The following ATG2A variants were observed in gnomAD, a reference collection of about 807,000 sequenced individuals.
The protein encoded by ATG2A is autophagy related 2A.
In ATG2A, 103 loss-of-function variants were observed where a neutral mutation model predicts 214.2. That is an observed-to-expected ratio of 0.48 (90% CI 0.41 to 0.57). ATG2A has a LOEUF of 0.57. Ranked by LOEUF, ATG2A falls within the 20% of genes least tolerant of loss-of-function variation. The probability of loss-of-function intolerance (pLI) is 0.00; values close to 1 mark genes in which losing one functional copy is unlikely to be tolerated. For synonymous variants in ATG2A, 1,160 were observed against 1,142.1 expected (o/e 1.02, Z -0.32); for missense variants, 2,312 against 2,613.2 (o/e 0.88, Z 2.51).
At chr11:64,896,398 G>A (rs1944151361) in intron 39 of ATG2A, 64 bp downstream of exon 39, 6 of 1,520,634 alleles carry the variant, frequency 3.9e-6, no homozygotes, top group Non-Finnish European at 4.4e-6. Flanking sequence ...GAACCAGGGA[G>A]CTGTGGTGCA....
chr11:64,916,876 G>A, intron 1 of ATG2A, 89 bp downstream of exon 1: 1 of 1,546,638 alleles, frequency 6.5e-7, no homozygotes, highest in Non-Finnish European at 8.7e-7. Flanking sequence ...CCCGGTGCCT[G>A]ATCCCCCAGC....
chr11:64,916,852 C>G (rs1945007680), intron 1 of ATG2A, 113 bp downstream of exon 1: 2 of 1,448,950 alleles, frequency 1.4e-6, no homozygotes, highest in Non-Finnish European at 1.9e-6. Flanking sequence ...CAAGATTCCC[C>G]TGGCCTCTCT....
chr11:64,909,205 A>T, intron 15 of ATG2A, 55 bp from the exon 16 acceptor site: 1 of 1,609,270 alleles, frequency 6.2e-7, no homozygotes, highest in Non-Finnish European at 8.5e-7. Context: ...CCCAGTTCCA[A>T]ACTGGCCCCC....
In ATG2A at chr11:64,914,251, G is replaced by A. The variant is rs1565076787; in HGVS notation, c.335-18C>T. On this transcript the variant is annotated intron_variant, in intron 2 of 40. Coordinates refer to ENST00000377264, the MANE Select transcript of ATG2A (RefSeq NM_015104.3). ...CCCTGGCGCTGTAGGGAGAAACAGG[G>A]TCTCAAGGCAGGCAGGCCCAGTCAG... The A allele has an allele frequency of 1.9e-6, 3 of 1,551,558 alleles. No individual in the cohort carries two copies. Among genetic ancestry groups the A allele is most frequent in the South Asian group, 2.4e-5 (2 of 84,300 alleles).
Position 64,910,107 on chromosome 11 carries a change from GC to G in ATG2A, c.1795del (p.Ala599ProfsTer23). On this transcript the variant is annotated frameshift_variant, in exon 13 of 41. Coordinates refer to ENST00000377264, the MANE Select transcript of ATG2A (RefSeq NM_015104.3). LOFTEE classifies it high-confidence loss of function. ...ANFQADVELGALDRLAALLRL... is the reference protein window; with the variant it reads ...ANFQADVELGXLDRLAALLRL... ...CAGTAGGGCGGCCAGCCGGTCCAGG[GC>G]CCCCAGCTCCACGTCCGCCTGGAAG... is the stretch of plus-strand genomic sequence containing the variant. 6.2e-7 allele frequency: 1 copy of G among 1,611,348 alleles called. No homozygotes were observed. The highest frequency in any genetic ancestry group is 8.5e-7 in the Non-Finnish European group (1 of 1,179,444).
rs1944441446 is a variant in ATG2A at position 64,903,709 on chromosome 11, A to G, written c.3465-49T>C. On this transcript the variant is annotated intron_variant, in intron 24 of 40. Transcript: ENST00000377264. The surrounding 1 kb of genome is among the most constrained non-coding windows in gnomAD (Gnocchi z 4.2). ...GGGCCCGGGCACCGCTGCAGGGGGCAGCTCCACGGGAGCCGAGCAGAGGGG... is the reference window on the plus strand; with the variant it reads ...GGGCCCGGGCACCGCTGCAGGGGGCGGCTCCACGGGAGCCGAGCAGAGGGG... 2 of 1,524,260 alleles carry G rather than the reference A, an allele frequency of 1.3e-6. No individual in the cohort carries two copies. The highest frequency in any genetic ancestry group is 1.4e-5 in the African/African-American group (1 of 72,500). The allele number at this position is 1,524,260 out of a possible 1,614,324, so 94.4% of individuals were successfully genotyped here.
At position 64,895,007 on chromosome 11, in the gene ATG2A, G is replaced by C; in HGVS notation, c.5783C>G (p.Ala1928Gly). The C allele has an allele frequency of 6.2e-7, 1 of 1,612,900 alleles. No homozygotes were observed. The highest frequency in any genetic ancestry group is 1.1e-5 in the South Asian group (1 of 91,020). Residue 1928 changes from alanine (A) to glycine (G), a missense_variant, in exon 41 of 41, where the codon GCC (alanine) becomes GGC (glycine). Ala to Gly is a moderately conservative substitution (Grantham distance 60). Transcript: ENST00000377264. The surrounding 1 kb of genome is among the most constrained non-coding windows in gnomAD (Gnocchi z 5.0). ...QIVPDAHKDH[A>G]LKWRSDSAQD ...GGCACTGTCCGAGCGCCACTTGAGG[G>C]CGTGGTCCTTGTGGGCGTCGGGGAC...
At position 64,913,156 on chromosome 11, in the gene ATG2A, A is replaced by T. The variant is rs1183645625; in HGVS notation, c.727-20T>A. ...CTCTTCCTGGGAGACGGGAGGATAC[A>T]AGAGGGAAAGGTTGAGAAAATGGAG... is the stretch of plus-strand genomic sequence containing the variant. On this transcript the variant is annotated intron_variant, in intron 5 of 40. Coordinates refer to ENST00000377264, the MANE Select transcript of ATG2A (RefSeq NM_015104.3). The surrounding 1 kb of genome is among the most constrained non-coding windows in gnomAD (Gnocchi z 4.3). The T allele has an allele frequency of 6.3e-7, 1 of 1,592,640 alleles. No homozygotes were observed. Among genetic ancestry groups the T allele is most frequent in the East Asian group, 2.3e-5 (1 of 44,250 alleles).
In ATG2A at chr11:64,898,421, AG is replaced by A; in HGVS notation, c.4672-60del. The A allele has an allele frequency of 6.8e-7, 1 of 1,471,774 alleles. No individual in the cohort carries two copies. The allele number at this position is 1,471,774 out of a possible 1,614,324, so 91.2% of individuals were successfully genotyped here. ...GGGCCTCTGGGGCAGCAGCTCACCC[AG>A]CTGTTCCCTGACAGCTCACCCAGCC... On this transcript the variant is annotated intron_variant, in intron 32 of 40. Coordinates refer to ENST00000377264, the MANE Select transcript of ATG2A (RefSeq NM_015104.3). The surrounding 1 kb of genome is among the most constrained non-coding windows in gnomAD (Gnocchi z 4.5).
rs1322384638 is a variant in ATG2A, at chr11:64,898,985, C to G, written c.4465-143G>C. 9.7e-6 allele frequency: 7 copies of G among 721,772 alleles called. No individual in the cohort carries two copies. In the African/African-American group the frequency reaches 1.2e-4, roughly 13 times the overall value. The allele number at this position is 721,772 out of a possible 1,614,324, so 44.7% of individuals were successfully genotyped here. A position where few individuals can be genotyped will look rare whatever the true frequency, so the allele number is the denominator to read the frequency against. Reference sequence around the variant, plus strand: ...TTGGAGTGCAGTGGCGTGATCTCGGCTCACTGCAACCTCTGCCTCTCGGGT... The same window carrying G: ...TTGGAGTGCAGTGGCGTGATCTCGGGTCACTGCAACCTCTGCCTCTCGGGT... On this transcript the variant is annotated intron_variant, in intron 31 of 40. Coordinates refer to ENST00000377264, the MANE Select transcript of ATG2A (RefSeq NM_015104.3). This position sits in a 1 kb window ranked among gnomAD's most constrained non-coding sequence, Gnocchi z 4.5.
chr11:64,895,445 G>A lies in ATG2A; in HGVS notation c.5428-3C>T. On this transcript the variant is annotated splice_polypyrimidine_tract_variant and splice_region_variant and intron_variant, in intron 39 of 40. Coordinates refer to ENST00000377264, the MANE Select transcript of ATG2A (RefSeq NM_015104.3). The surrounding 1 kb of genome is among the most constrained non-coding windows in gnomAD (Gnocchi z 5.0). Reference sequence around the variant, plus strand: ...TCATACACGGTCTCAGCTGTGGCCTGGGGGACATGGGAGCACTGGATGAGG... The same window carrying A: ...TCATACACGGTCTCAGCTGTGGCCTAGGGGACATGGGAGCACTGGATGAGG... 1.3e-6 allele frequency: 2 copies of A among 1,563,998 alleles called. No individual in the cohort carries two copies. The highest frequency in any genetic ancestry group is 8.7e-7 in the Non-Finnish European group (1 of 1,153,228).
intron 27 of ATG2A, 45 bp downstream of exon 27, chr11:64,902,471 C>A: frequency 7.2e-6 from 11 of 1,530,520 alleles, no homozygotes; most frequent in Non-Finnish European, 9.7e-6. Context: ...AGGGGAGGGG[C>A]CTGGCCGAGC....
At chr11:64,907,123 G>T in intron 19 of ATG2A, 132 bp downstream of exon 19, 1 of 1,122,774 alleles carries the variant, frequency 8.9e-7, no homozygotes, top group Non-Finnish European at 1.2e-6. Context: ...AGGCTGGCGT[G>T]GGTGGGCTGG....
intron 14 of ATG2A, 24 bp from the exon 15 acceptor site, chr11:64,909,391 G>A (rs1468686424): frequency 2.5e-6 from 4 of 1,602,796 alleles, no homozygotes; most frequent in Admixed American, 3.3e-5. Context: ...GGGAATTAGG[G>A]GGGTCATCAC....
chr11:64,909,976 CCAAGAGCCGAAGGACCCAGG>C, intron 13 of ATG2A, 44 bp downstream of exon 13: 2 of 1,570,230 alleles, frequency 1.3e-6, no homozygotes, highest in Non-Finnish European at 1.7e-6. Context: ...CCCACTGTGA[CCAAGAGCCGAAGGACCCAGG>C]CCCTGCACCC....
intron 24 of ATG2A, among the ~76,000 whole-genome samples, chr11:64,904,799 G>A (rs1944479831): frequency 2.5e-5 from 1 of 40,562 alleles, no homozygotes; most frequent in South Asian, 1.2e-3. Context: ...CTGTACTGTG[G>A]CATCTTTCTA....
At position 64,894,689 on chromosome 11, in the gene ATG2A, G is replaced by T. The variant is rs561311535; in HGVS notation, c.*284C>A. 208 of 677,144 alleles carry T rather than the reference G, an allele frequency of 3.1e-4. 1 individual carries two copies. In the African/African-American group the frequency reaches 3.1e-3, roughly 10 times the overall value. The allele number at this position is 677,144 out of a possible 1,614,324, so 41.9% of individuals were successfully genotyped here. A position where few individuals can be genotyped will look rare whatever the true frequency, so the allele number is the denominator to read the frequency against. ...CACTTGGCTGAGTGGGATGGGGTCC[G>T]AGGGTCCAAAAGCCTCCGTCCTGGG... is the stretch of plus-strand genomic sequence containing the variant. On this transcript the variant is annotated 3_prime_UTR_variant, in exon 41 of 41. Transcript: ENST00000377264.
At chr11:64,899,367 C>T (rs1166240519) in intron 31 of ATG2A, among the ~76,000 whole-genome samples, 1 of 152,140 alleles carries the variant, frequency 6.6e-6, no homozygotes, top group Non-Finnish European at 1.5e-5. Context: ...CCGTGGAGAG[C>T]CTTCCTTCCC....
chr11:64,908,143 C>T (rs560104595), intron 16 of ATG2A, among the ~76,000 whole-genome samples: 4 of 152,286 alleles, frequency 2.6e-5, no homozygotes, highest in Admixed American at 6.5e-5. Context: ...TTAGGCTGGG[C>T]GCGGTGGCTC....
Sources: gnomAD v4.1 joint callset for allele counts (sites outside exome capture counted in the v4.1 genomes callset) on GRCh38, gnomAD v4.1.1 for gene constraint, Gnocchi (gnomAD v3.1) non-coding constraint, MANE v1.5 for transcripts, NCBI Gene and HGNC (gene_info 2026-07-23, HGNC 2026-07-21) for gene names.